AFG2B: variants seen among roughly 807,000 people sequenced by gnomAD.
The protein encoded by AFG2B is ATPase family gene 2 protein homolog B.
At chr15:45,410,224 T>C in the AFG2B span, 1 of 808,096 alleles carries the variant, frequency 1.2e-6, no homozygotes, top group Non-Finnish European at 1.9e-6. Flanking sequence ...GACATTTAAT[T>C]CTTTGTACTA....
chr15:45,402,991 G>A, the AFG2B span: 2 of 1,591,612 alleles, frequency 1.3e-6, no homozygotes, highest in South Asian at 2.2e-5. Context: ...CAGCCTTGGC[G>A]GGGAGCCTCC....
At chr15:45,414,639 TCTC>T in the AFG2B span, 28 of 1,614,022 alleles carry the variant, frequency 1.7e-5, no homozygotes, top group East Asian at 2.2e-5. Context: ...CAAAGGGAGT[TCTC>T]CTCTATGGGC....
At chr15:45,403,136 G>A in the AFG2B span, 1 of 1,470,382 alleles carries the variant, frequency 6.8e-7, no homozygotes, top group South Asian at 1.3e-5. Context: ...GTGCCTCGCG[G>A]GGTGCTCCTG....
chr15:45,417,843 T>C, the AFG2B span: 1 of 153,502 alleles, frequency 6.5e-6, no homozygotes, highest in Non-Finnish European at 1.5e-5. Context: ...TGTATCATGG[T>C]CAACCAGTAC....
chr15:45,419,986 T>TTTCCCCCC, the AFG2B span, among the ~76,000 whole-genome samples: 1 of 49,246 alleles, frequency 2.0e-5, no homozygotes, highest in Non-Finnish European at 3.6e-5. Context: ...CAAGACTCTG[T>TTTCCCCCC]CCCCCCCCCC....
chr15:45,420,008 AAAAAAAC>A, the AFG2B span, among the ~76,000 whole-genome samples: 7 of 149,772 alleles, frequency 4.7e-5, no homozygotes, highest in East Asian at 1.2e-3. Context: ...AAAAAAAAAA[AAAAAAAC>A]AAAAAACAAA....
chr15:45,412,881 A>G, the AFG2B span, among the ~76,000 whole-genome samples: 53 of 152,320 alleles, frequency 3.5e-4, no homozygotes, highest in African/African-American at 1.0e-3. Context: ...GATTTTGCCA[A>G]TTCGCCTACA....
At chr15:45,419,413 G>A in the AFG2B span, among the ~76,000 whole-genome samples, 412 of 151,828 alleles carry the variant, frequency 2.7e-3, 3 homozygotes, top group Non-Finnish European at 4.7e-3. Context: ...AGTAAGATGA[G>A]ATCGTGCCGC....
the AFG2B span, chr15:45,415,701 C>A: frequency 1.9e-6 from 3 of 1,614,078 alleles, no homozygotes; most frequent in Non-Finnish European, 1.7e-6. Context: ...AGAACGAGTT[C>A]TTTCTGTTCT....
At chr15:45,414,365 A>C in the AFG2B span, among the ~76,000 whole-genome samples, 13 of 152,320 alleles carry the variant, frequency 8.5e-5, no homozygotes, top group East Asian at 1.7e-3. Flanking sequence ...ATTTTATTCT[A>C]GTTCTAATAG....
the AFG2B span, among the ~76,000 whole-genome samples, chr15:45,404,730 C>T: frequency 6.6e-6 from 1 of 150,544 alleles, no homozygotes; most frequent in Non-Finnish European, 1.5e-5. Context: ...ATCACTTGAA[C>T]CAGGAGGTGG....
At chr15:45,407,877 T>G in the AFG2B span, among the ~76,000 whole-genome samples, 1 of 152,192 alleles carries the variant, frequency 6.6e-6, no homozygotes, top group Non-Finnish European at 1.5e-5. Flanking sequence ...TTCACTAGAA[T>G]GATCAAGGAG....
chr15:45,419,988 C>G, the AFG2B span, among the ~76,000 whole-genome samples: 1 of 95,664 alleles, frequency 1.0e-5, no homozygotes, highest in African/African-American at 5.0e-5. Context: ...AGACTCTGTC[C>G]CCCCCCCCCA....
chr15:45,405,389 A>G, the AFG2B span: 1 of 1,614,204 alleles, frequency 6.2e-7, no homozygotes, highest in Non-Finnish European at 8.5e-7. Context: ...GAAGATGCCC[A>G]TCTCCAGTCA....
chr15:45,403,508 T>A, the AFG2B span: 1 of 1,602,912 alleles, frequency 6.2e-7, no homozygotes, highest in Admixed American at 1.7e-5. Context: ...CCCGGGAGAT[T>A]TGACCGAGAG....
At chr15:45,402,381 C>G in the AFG2B span, 1 of 1,556,132 alleles carries the variant, frequency 6.4e-7, no homozygotes, top group Non-Finnish European at 8.7e-7. Flanking sequence ...TTTTGTGGGC[C>G]GGGTGGGTTT....
the AFG2B span, among the ~76,000 whole-genome samples, chr15:45,407,905 A>G: frequency 6.6e-6 from 1 of 152,242 alleles, no homozygotes; most frequent in Non-Finnish European, 1.5e-5. Flanking sequence ...AGAGTCTCCA[A>G]AATATAACCT....
At chr15:45,411,018 A>G in the AFG2B span, among the ~76,000 whole-genome samples, 1 of 152,224 alleles carries the variant, frequency 6.6e-6, no homozygotes, top group Non-Finnish European at 1.5e-5. Context: ...CCTGGCCAAC[A>G]TGGTGAAACC....
At chr15:45,417,233 G>A in the AFG2B span, 1 of 1,597,042 alleles carries the variant, frequency 6.3e-7, no homozygotes, top group East Asian at 2.2e-5. Flanking sequence ...ATTAACAACT[G>A]ATTGACATTA....
Sources: gnomAD v4.1 joint callset for allele counts (sites outside exome capture counted in the v4.1 genomes callset) on GRCh38, gnomAD v4.1.1 for gene constraint, MANE v1.5 for transcripts, NCBI Gene and HGNC (gene_info 2026-07-23, HGNC 2026-07-21) for gene names.